The following MARCHF10 variants were observed in gnomAD, a reference collection of about 807,000 sequenced individuals.
MARCHF10 encodes probable E3 ubiquitin-protein ligase MARCHF10.
A neutral mutation model predicts 76.2 loss-of-function variants in MARCHF10; 64 were observed. The ratio of observed to expected loss-of-function variants is 0.84; its 90% CI spans 0.69 to 1.03. The LOEUF (loss-of-function observed/expected upper bound fraction) is 1.03. Among genes scored for constraint, MARCHF10 ranks in the 50% least tolerant of loss-of-function variants. The pLI is 0.00. For synonymous variants in MARCHF10, 340 were observed against 357.5 expected (o/e 0.95, Z 0.55); for missense variants, 875 against 958.0 (o/e 0.91, Z 1.14).
At position 62,791,449 on chromosome 17, in the gene MARCHF10, T is replaced by C. The variant is rs77107832; in HGVS notation, c.91-2850A>G. Reference sequence around the variant, plus strand: ...GAATTCTTGTGGGCTGAGTGTTTTTTGAAAATTCTCTCCAAGAATGCATAC... The same window carrying C: ...GAATTCTTGTGGGCTGAGTGTTTTTCGAAAATTCTCTCCAAGAATGCATAC... On this transcript the variant is annotated intron_variant, in intron 2 of 10. Transcript: ENST00000311269. Among the ~76,000 whole-genome samples, 1,069 of 152,320 alleles carry C rather than the reference T, an allele frequency of 7.0e-3. 10 individuals carry two copies. The highest frequency in any genetic ancestry group is 0.024 in the African/African-American group (1,008 of 41,560).
chr17:62,732,425 G>A lies in MARCHF10; in HGVS notation c.1937+3506C>T, dbSNP rs2091063003. Among the ~76,000 whole-genome samples, 5 of 152,134 alleles carry A rather than the reference G, an allele frequency of 3.3e-5. No individual in the cohort carries two copies. The South Asian group carries it at 1.0e-3, about 31-fold the overall frequency. ...ACAGAATAGAGAGCCCTGAAACTGGGGCCTGTTGAGGCATGTTCCAAAGGA... is the reference window on the plus strand; with the variant it reads ...ACAGAATAGAGAGCCCTGAAACTGGAGCCTGTTGAGGCATGTTCCAAAGGA... On this transcript the variant is annotated intron_variant, in intron 6 of 10. Coordinates refer to ENST00000311269, the MANE Select transcript of MARCHF10 (RefSeq NM_152598.4).
At chr17:62,804,371 GAGAA>G (rs1231775297) in intron 1 of MARCHF10, among the ~76,000 whole-genome samples, 3 of 152,136 alleles carry the variant, frequency 2.0e-5, no homozygotes, top group Non-Finnish European at 4.4e-5. Flanking sequence ...GGAACGAAAA[GAGAA>G]AGAGGACACA....
At chr17:62,715,982 A>G (rs1427057757) in intron 8 of MARCHF10, among the ~76,000 whole-genome samples, 2 of 152,154 alleles carry the variant, frequency 1.3e-5, no homozygotes, top group Non-Finnish European at 2.9e-5. Flanking sequence ...ATCTGTGCTC[A>G]GGTCCCAGGG....
chr17:62,805,744 T>C (rs2093152460), intron 1 of MARCHF10, among the ~76,000 whole-genome samples: 1 of 151,976 alleles, frequency 6.6e-6, no homozygotes, highest in African/African-American at 2.4e-5. Context: ...AAACCCCATC[T>C]TTACTAAAAA....
intron 3 of MARCHF10, among the ~76,000 whole-genome samples, chr17:62,775,132 C>CTTTTTT (rs35354893): frequency 4.9e-5 from 7 of 142,568 alleles, no homozygotes; most frequent in Non-Finnish European, 1.1e-4. Context: ...CCTGGCCTTC[C>CTTTTTT]TTTTTTTTTT....
chr17:62,703,834 G>A (rs1348040385), intron 10 of MARCHF10, among the ~76,000 whole-genome samples: 5 of 152,248 alleles, frequency 3.3e-5, no homozygotes, highest in Non-Finnish European at 5.9e-5. Context: ...GCCCTCCGGA[G>A]ACGTCGGTCT....
At chr17:62,798,019 A>G (rs1368059027) in intron 2 of MARCHF10, among the ~76,000 whole-genome samples, 1 of 152,184 alleles carries the variant, frequency 6.6e-6, no homozygotes, top group Non-Finnish European at 1.5e-5. Context: ...ACATGGGGAT[A>G]CAACCATGGA....
At chr17:62,731,705 A>C (rs1055682197) in intron 6 of MARCHF10, among the ~76,000 whole-genome samples, 1 of 152,218 alleles carries the variant, frequency 6.6e-6, no homozygotes, top group Non-Finnish European at 1.5e-5. Context: ...AATATACATT[A>C]AGAACCTTAA....
intron 3 of MARCHF10, among the ~76,000 whole-genome samples, chr17:62,783,669 C>T (rs1039388633): frequency 2.2e-4 from 34 of 151,708 alleles, no homozygotes; most frequent in African/African-American, 7.7e-4. Context: ...CAAATAGACG[C>T]AATAAAAAAT....
chr17:62,721,277 A>G (rs137984392), intron 8 of MARCHF10, among the ~76,000 whole-genome samples: 6 of 152,120 alleles, frequency 3.9e-5, no homozygotes, highest in African/African-American at 1.4e-4. Context: ...AAACGAAGTG[A>G]CAACTTCAAA....
rs2089919522 is a variant in MARCHF10, at chr17:62,711,293, G to C, written c.2266C>G (p.Leu756Val). The change falls in exon 9 of 11, where the codon CTC (leucine) becomes GTC (valine). Residue 756 changes from leucine (L) to valine (V), a missense_variant. Coordinates refer to ENST00000311269, the MANE Select transcript of MARCHF10 (RefSeq NM_152598.4). The surrounding 1 kb of genome is among the most constrained non-coding windows in gnomAD (Gnocchi z 4.4). Reference protein sequence around the residue: ...SGLYLVLLLHLYEQRFAELMR... With the variant: ...SGLYLVLLLHVYEQRFAELMR... Reference sequence around the variant, plus strand: ...AGTTCTGCAAACCTCTGCTCATAGAGGTGAAGCAGCAGCACCAGGTACAAG... The same window carrying C: ...AGTTCTGCAAACCTCTGCTCATAGACGTGAAGCAGCAGCACCAGGTACAAG... 1 of 1,614,014 alleles carries C rather than the reference G, an allele frequency of 6.2e-7. No individual in the cohort carries two copies. The highest frequency in any genetic ancestry group is 8.5e-7 in the Non-Finnish European group (1 of 1,179,994).
intron 2 of MARCHF10, 132 bp from the exon 3 acceptor site, chr17:62,788,731 C>T: frequency 7.9e-7 from 1 of 1,265,768 alleles, no homozygotes; most frequent in Non-Finnish European, 1.1e-6. Context: ...ATACCTCTCA[C>T]CAAGTATAAA....
chr17:62,729,135 G>T (rs559017751), intron 6 of MARCHF10, among the ~76,000 whole-genome samples: 1 of 152,016 alleles, frequency 6.6e-6, no homozygotes, highest in African/African-American at 2.4e-5. Flanking sequence ...TAGAGACGGG[G>T]TTTTGCCATG....
At position 62,788,539 on chromosome 17, in the gene MARCHF10, A is replaced by G. The variant is rs1316546470; in HGVS notation, c.151T>C (p.Trp51Arg). The G allele has an allele frequency of 6.2e-7, 1 of 1,614,150 alleles. No homozygotes were observed. Among genetic ancestry groups the G allele is most frequent in the East Asian group, 2.2e-5 (1 of 44,878 alleles). ...CTCTCAAAACTTGTCTCTTGCCCCCAAAACTGATCGCGTTTCTTCTCATTT... is the reference window on the plus strand; with the variant it reads ...CTCTCAAAACTTGTCTCTTGCCCCCGAAACTGATCGCGTTTCTTCTCATTT... ...DPNEKKRDQF[W>R]GQETSFERSR... The change falls in exon 3 of 11, where the codon TGG becomes CGG. Residue 51 changes from tryptophan (W) to arginine (R), a missense_variant. Trp to Arg is a moderately radical substitution (Grantham distance 101). Transcript: ENST00000311269.
At chr17:62,794,481 T>C (rs1393718884) in intron 2 of MARCHF10, among the ~76,000 whole-genome samples, 2 of 152,266 alleles carry the variant, frequency 1.3e-5, no homozygotes, top group African/African-American at 2.4e-5. Flanking sequence ...TTTTCTGCCC[T>C]GTAAGTAGAG....
At chr17:62,758,065 A>G (rs981194104) in intron 4 of MARCHF10, among the ~76,000 whole-genome samples, 4 of 152,190 alleles carry the variant, frequency 2.6e-5, no homozygotes, top group African/African-American at 9.7e-5. Context: ...TTTTAGCAAG[A>G]GGGCTAAAAA....
rs1055223832 is a variant in MARCHF10 at position 62,712,583 on chromosome 17, G to C, written c.2215-1239C>G. Among the ~76,000 whole-genome samples, 1 of 152,178 alleles carries C rather than the reference G, an allele frequency of 6.6e-6. No homozygotes were observed. Among genetic ancestry groups the C allele is most frequent in the African/African-American group, 2.4e-5 (1 of 41,446 alleles). On this transcript the variant is annotated intron_variant, in intron 8 of 10. Transcript: ENST00000311269. This position sits in a 1 kb window ranked among gnomAD's most constrained non-coding sequence, Gnocchi z 4.2. ...GACAGCCGGCCCTGAGATCACTGCT[G>C]CAGGCCTCTCCACCATTCTACAGAT...
intron 8 of MARCHF10, among the ~76,000 whole-genome samples, chr17:62,718,022 C>T (rs536511966): frequency 1.1e-4 from 16 of 152,138 alleles, no homozygotes; most frequent in Non-Finnish European, 2.4e-4. Flanking sequence ...TAGCTTTCTC[C>T]CCTGAGTGCC....
intron 3 of MARCHF10, 26 bp from the exon 4 acceptor site, chr17:62,760,032 T>G: frequency 6.2e-7 from 1 of 1,602,972 alleles, no homozygotes; most frequent in Non-Finnish European, 8.5e-7. Context: ...TACGTCTGAG[T>G]CTCAGTGGCC....
Sources: allele counts gnomAD v4.1 joint callset (sites outside exome capture counted in the v4.1 genomes callset), GRCh38; gene constraint gnomAD v4.1.1; non-coding constraint Gnocchi (gnomAD v3.1); transcripts MANE v1.5; gene names NCBI Gene and HGNC (gene_info 2026-07-23, HGNC 2026-07-21).